The following TTLL5 variants were observed in gnomAD, a reference collection of about 807,000 sequenced individuals.
TTLL5 encodes tubulin polyglutamylase TTLL5.
Under a neutral mutation model 168.4 loss-of-function variants are expected in TTLL5, and 132 were observed. That is an observed-to-expected ratio of 0.78 (90% CI 0.68 to 0.91). The LOEUF is 0.91. TTLL5 is among the 40% of genes least tolerant of loss of function. TTLL5 has a pLI of 0.00. For synonymous variants in TTLL5, 546 were observed against 558.6 expected (o/e 0.98, Z 0.32); for missense variants, 1,545 against 1,581.5 (o/e 0.98, Z 0.39).
chr14:75,889,825 TAA>T (rs1183125823), intron 30 of TTLL5, among the ~76,000 whole-genome samples: 1 of 32,938 alleles, frequency 3.0e-5, no homozygotes, highest in African/African-American at 1.3e-4. Flanking sequence ...GCGAGACTCT[TAA>T]AAAAAAAAAA....
intron 30 of TTLL5, among the ~76,000 whole-genome samples, chr14:75,896,571 T>C (rs1249572052): frequency 6.6e-6 from 1 of 152,166 alleles, no homozygotes; most frequent in Non-Finnish European, 1.5e-5. Context: ...GATAAACTTA[T>C]ACTAAACCAT....
At chr14:75,904,018 G>A in intron 31 of TTLL5, 2 of 996,784 alleles carry the variant, frequency 2.0e-6, no homozygotes, top group Non-Finnish European at 2.5e-6. Flanking sequence ...TATAACTACT[G>A]TAACTACACC....
chr14:75,811,110 G>A lies in TTLL5; in HGVS notation c.3172-8897G>A, dbSNP rs376267534. 4.1e-5 allele frequency among the ~76,000 whole-genome samples: 6 copies of A among 146,966 alleles called. No individual in the cohort carries two copies. The East Asian group carries it at 1.2e-3, about 30-fold the overall frequency. ...GCTGCTAACTGGAGGTAGGGGGTGG[G>A]AGGGAGAAATAGAGGGGGTGGGGAA... On this transcript the variant is annotated intron_variant, in intron 27 of 31. Transcript: ENST00000298832.
intron 21 of TTLL5, among the ~76,000 whole-genome samples, chr14:75,774,432 G>A (rs1026310418): frequency 6.6e-6 from 1 of 152,132 alleles, no homozygotes; most frequent in Admixed American, 6.6e-5. Flanking sequence ...TACTGTGATA[G>A]TTCTTTCTTT....
At chr14:75,872,460 A>C (rs1022691074) in intron 29 of TTLL5, among the ~76,000 whole-genome samples, 2 of 152,192 alleles carry the variant, frequency 1.3e-5, no homozygotes, top group East Asian at 3.8e-4. Flanking sequence ...CCAGCTTACT[A>C]CTCAGTACCT....
chr14:75,846,677 C>T (rs2360037), intron 28 of TTLL5, among the ~76,000 whole-genome samples: 110,277 of 151,552 alleles, frequency 0.73, 40,390 homozygotes, highest in Admixed American at 0.79. Flanking sequence ...GTAATCCCAG[C>T]TACAAGGGAG....
Position 75,739,104 on chromosome 14 carries a change from G to T in TTLL5, c.1281+3815G>T, listed in dbSNP as rs138329105. Among the ~76,000 whole-genome samples, 348 of 152,042 alleles carry T rather than the reference G, an allele frequency of 2.3e-3. 1 individual carries two copies. The highest frequency in any genetic ancestry group is 8.2e-3 in the African/African-American group (339 of 41,448). ...ATTGCAGGCATGAGCCACCATGCCC[G>T]GCCTTTGATATGTAATTCTAATCTT... On this transcript the variant is annotated intron_variant, in intron 15 of 31. Transcript: ENST00000298832.
chr14:75,842,328 G>A (rs1404547415), intron 28 of TTLL5, among the ~76,000 whole-genome samples: 2 of 152,152 alleles, frequency 1.3e-5, no homozygotes, highest in African/African-American at 2.4e-5. Context: ...GATGAAATGA[G>A]GAGTGGACCC....
chr14:75,827,267 G>A (rs545274554), intron 28 of TTLL5, among the ~76,000 whole-genome samples: 7 of 152,032 alleles, frequency 4.6e-5, no homozygotes, highest in South Asian at 2.1e-4. Context: ...CGTAACTCAC[G>A]TACAATAAAA....
chr14:75,894,501 C>T (rs1177443139), intron 30 of TTLL5, among the ~76,000 whole-genome samples: 4 of 151,894 alleles, frequency 2.6e-5, no homozygotes, highest in East Asian at 1.9e-4. Context: ...TGCAGTGAGC[C>T]GAGATCACAC....
At chr14:75,727,688 T>C (rs2140222528) in intron 12 of TTLL5, 2 of 325,718 alleles carry the variant, frequency 6.1e-6, no homozygotes, top group East Asian at 8.5e-5. Context: ...CTTTGATAAA[T>C]CTGCCTGAAA....
chr14:75,803,795 A>G (rs1893482387), intron 27 of TTLL5, among the ~76,000 whole-genome samples: 1 of 152,200 alleles, frequency 6.6e-6, no homozygotes, highest in South Asian at 2.1e-4. Context: ...AAGGGAGTGT[A>G]GTGCTCTGAA....
intron 27 of TTLL5, among the ~76,000 whole-genome samples, chr14:75,809,633 A>G (rs980957985): frequency 1.3e-5 from 2 of 152,138 alleles, no homozygotes; most frequent in East Asian, 1.9e-4. Context: ...GTTAACTGCA[A>G]TTTTCCTACT....
At chr14:75,671,227 T>G (rs1883717771) in intron 3 of TTLL5, among the ~76,000 whole-genome samples, 1 of 152,228 alleles carries the variant, frequency 6.6e-6, no homozygotes, top group African/African-American at 2.4e-5. Context: ...GTGTATGGGT[T>G]TACTTATGGA....
intron 10 of TTLL5, among the ~76,000 whole-genome samples, chr14:75,719,078 C>T (rs986165772): frequency 3.3e-5 from 5 of 152,124 alleles, no homozygotes; most frequent in Admixed American, 2.0e-4. Context: ...TTCCAGATTG[C>T]GGGGCTCTTC....
chr14:75,816,344 C>T (rs1894392060), intron 27 of TTLL5, among the ~76,000 whole-genome samples: 1 of 152,188 alleles, frequency 6.6e-6, no homozygotes, highest in Admixed American at 6.5e-5. Flanking sequence ...CACTTGAACT[C>T]AGGAGGTAGA....
chr14:75,877,382 G>C (rs1234476939), intron 29 of TTLL5, among the ~76,000 whole-genome samples: 1 of 152,202 alleles, frequency 6.6e-6, no homozygotes, highest in East Asian at 1.9e-4. Flanking sequence ...GTTGCAGTCT[G>C]TGTTCTGTCT....
intron 10 of TTLL5, among the ~76,000 whole-genome samples, chr14:75,719,093 A>G (rs1479349198): frequency 6.6e-5 from 10 of 152,148 alleles, no homozygotes; most frequent in Non-Finnish European, 1.3e-4. Flanking sequence ...CTCTTCCAAC[A>G]TTCGTGGGAG....
At position 75,942,458 on chromosome 14, in the gene TTLL5, A is replaced by G. The variant is rs115941903; in HGVS notation, c.3824-11966A>G. ...GTCATGTGAAAATTTGTAAGATGCGATCTCAGCACTTAAGAGTGTAGCAGT... is the reference window on the plus strand; with the variant it reads ...GTCATGTGAAAATTTGTAAGATGCGGTCTCAGCACTTAAGAGTGTAGCAGT... On this transcript the variant is annotated intron_variant, in intron 31 of 31. Transcript: ENST00000298832. Among the ~76,000 whole-genome samples the G allele has an allele frequency of 5.6e-3, 849 of 152,342 alleles. 14 individuals carry two copies. The highest frequency in any genetic ancestry group is 0.027 in the South Asian group (129 of 4,824).
Sources: gnomAD v4.1 joint callset for allele counts (sites outside exome capture counted in the v4.1 genomes callset) on GRCh38, gnomAD v4.1.1 for gene constraint, MANE v1.5 for transcripts, NCBI Gene and HGNC (gene_info 2026-07-23, HGNC 2026-07-21) for gene names.